Variants in JHY observed in about 807,000 individuals in gnomAD.
JHY encodes the protein jhy protein homolog.
Under a neutral mutation model 78.0 loss-of-function variants are expected in JHY, and 69 were observed. The ratio of observed to expected loss-of-function variants is 0.88; its 90% CI spans 0.73 to 1.08. The LOEUF is 1.08. Ranked by LOEUF, JHY falls within the 50% of genes least tolerant of loss-of-function variation. The pLI, the probability that JHY is intolerant of heterozygous loss-of-function variation, is 0.00. For synonymous variants in JHY, 368 were observed against 342.6 expected, an observed-to-expected ratio of 1.07 and a Z score of -0.82; for missense variants, 944 against 927.8, an observed-to-expected ratio of 1.02 and a Z score of -0.23.
intron 6 of JHY, among the ~76,000 whole-genome samples, chr11:122,949,843 T>TC (rs1205668811): frequency 2.0e-5 from 3 of 150,400 alleles, no homozygotes; most frequent in African/African-American, 4.9e-5. Context: ...TTCTTTTCTT[T>TC]TTTTTTTTTT....
chr11:122,905,607 C>T, intron 3 of JHY: 1 of 993,692 alleles, frequency 1.0e-6, no homozygotes, highest in Non-Finnish European at 1.2e-6. Context: ...TTGGCTCATG[C>T]CTGTAATCCC....
At chr11:122,925,906 A>G (rs575503944) in intron 4 of JHY, among the ~76,000 whole-genome samples, 3 of 152,236 alleles carry the variant, frequency 2.0e-5, no homozygotes, top group African/African-American at 7.2e-5. Flanking sequence ...AGTTCCAGCT[A>G]TTCAGGAGGC....
chr11:122,942,117 C>A (rs1863886044), intron 5 of JHY, among the ~76,000 whole-genome samples: 1 of 152,074 alleles, frequency 6.6e-6, no homozygotes, highest in Non-Finnish European at 1.5e-5. Flanking sequence ...GGTGATCCAC[C>A]CACCTCGGCC....
At chr11:122,893,276 A>G (rs1174675855) in intron 2 of JHY, among the ~76,000 whole-genome samples, 1 of 152,168 alleles carries the variant, frequency 6.6e-6, no homozygotes, top group Non-Finnish European at 1.5e-5. Flanking sequence ...CTCACAAACT[A>G]TGCTTTAGTT....
chr11:122,918,176 C>T (rs1203235350), intron 3 of JHY, among the ~76,000 whole-genome samples: 1 of 151,466 alleles, frequency 6.6e-6, no homozygotes, highest in African/African-American at 2.5e-5. Context: ...GCTGGGATTA[C>T]AGGTGTGAGC....
intron 5 of JHY, among the ~76,000 whole-genome samples, chr11:122,945,388 C>T (rs1023776686): frequency 6.6e-6 from 1 of 152,082 alleles, no homozygotes; most frequent in African/African-American, 2.4e-5. Context: ...AAATATGTTT[C>T]TCAGGTTCTT....
At chr11:122,888,032 C>T (rs953724612) in intron 2 of JHY, among the ~76,000 whole-genome samples, 4 of 104,714 alleles carry the variant, frequency 3.8e-5, no homozygotes, top group Admixed American at 2.2e-4. Flanking sequence ...TATCTTTCTT[C>T]TTCCTTCCTT....
At position 122,917,357 on chromosome 11, in the gene JHY, G is replaced by A. The variant is rs1302426163; in HGVS notation, c.865-7540G>A. On this transcript the variant is annotated intron_variant, in intron 3 of 8. Transcript: ENST00000227349. This position sits in a 1 kb window ranked among gnomAD's most constrained non-coding sequence, Gnocchi z 4.1. Reference sequence around the variant, plus strand: ...TAGTTGTATGTGGCTAGATTGTGAGGATGAGAATATGGATATTTAGGTTAG... The same window carrying A: ...TAGTTGTATGTGGCTAGATTGTGAGAATGAGAATATGGATATTTAGGTTAG... Among the ~76,000 whole-genome samples, 2 of 152,218 alleles carry A rather than the reference G, an allele frequency of 1.3e-5. No homozygotes were observed. The highest frequency in any genetic ancestry group is 2.9e-5 in the Non-Finnish European group (2 of 68,022).
At chr11:122,951,948 C>T (rs1864095844) in intron 6 of JHY, among the ~76,000 whole-genome samples, 1 of 151,848 alleles carries the variant, frequency 6.6e-6, no homozygotes, top group Non-Finnish European at 1.5e-5. Context: ...AATTTGTTCC[C>T]CTTGTGTTTG....
intron 2 of JHY, among the ~76,000 whole-genome samples, chr11:122,891,038 G>C (rs1862605271): frequency 6.6e-6 from 1 of 152,130 alleles, no homozygotes; most frequent in Non-Finnish European, 1.5e-5. Flanking sequence ...GCACACTCTT[G>C]CTGGGATCTG....
intron 6 of JHY, among the ~76,000 whole-genome samples, chr11:122,950,890 C>G (rs1342359716): frequency 2.0e-5 from 3 of 152,204 alleles, no homozygotes; most frequent in African/African-American, 7.2e-5. Context: ...GGGACATCCC[C>G]CTTCCTGCTT....
At chr11:122,931,636 C>T (rs745988166) in intron 4 of JHY, among the ~76,000 whole-genome samples, 1 of 152,174 alleles carries the variant, frequency 6.6e-6, no homozygotes, top group Non-Finnish European at 1.5e-5. Flanking sequence ...CATGTCTTCA[C>T]TTTACAGCTG....
In JHY at chr11:122,962,471, A is replaced by T. The variant is rs73606749; in HGVS notation, c.*3026A>T. On this transcript the variant is annotated 3_prime_UTR_variant, in exon 9 of 9. Transcript: ENST00000227349. The stretch of plus-strand genomic sequence containing the variant: ...AACTGGTGAATCATGTTTCAGTGGG[A>T]TTTGGAAAATGTAATATATGAGGCA... Among the ~76,000 whole-genome samples, 18,024 of 152,154 alleles carry T rather than the reference A, an allele frequency of 0.12. 1,086 individuals are homozygous for T. The highest frequency in any genetic ancestry group is 0.19 in the East Asian group (974 of 5,164).
rs975099229 is a variant in JHY at position 122,963,464 on chromosome 11, G to T, written c.*4019G>T. Among the ~76,000 whole-genome samples the T allele has an allele frequency of 6.6e-6, 1 of 152,154 alleles. No individual in the cohort carries two copies. The highest frequency in any genetic ancestry group is 1.5e-5 in the Non-Finnish European group (1 of 67,998). ...AGTTTGGGGTTGAAATCAAAGAATGGATCAAAGTGGCCCTTCATTTGGCTC... is the reference window on the plus strand; with the variant it reads ...AGTTTGGGGTTGAAATCAAAGAATGTATCAAAGTGGCCCTTCATTTGGCTC... On this transcript the variant is annotated 3_prime_UTR_variant, in exon 9 of 9. Coordinates refer to ENST00000227349, the MANE Select transcript of JHY (RefSeq NM_024806.4).
In JHY at chr11:122,912,904, G is replaced by A. The variant is rs185433407; in HGVS notation, c.864+8460G>A. Among the ~76,000 whole-genome samples, 388 of 152,052 alleles carry A rather than the reference G, an allele frequency of 2.6e-3. 1 individual carries two copies. Among genetic ancestry groups the A allele is most frequent in the African/African-American group, 8.7e-3 (361 of 41,486 alleles). ...AGAATTTATACCAAGCTACGGACTC[G>A]GGGCAGACACTCAGTGAAGAGAAGC... On this transcript the variant is annotated intron_variant, in intron 3 of 8. Transcript: ENST00000227349.
intron 3 of JHY, among the ~76,000 whole-genome samples, chr11:122,906,111 A>G (rs1213989402): frequency 2.0e-5 from 3 of 152,174 alleles, no homozygotes; most frequent in African/African-American, 4.8e-5. Flanking sequence ...CTCTTGTTCC[A>G]TAAAACTTAC....
chr11:122,952,335 CTT>C (rs1864106191), intron 6 of JHY, among the ~76,000 whole-genome samples: 2 of 152,240 alleles, frequency 1.3e-5, no homozygotes, highest in South Asian at 4.2e-4. Flanking sequence ...GCTAAAAAGA[CTT>C]TTGATGGAGA....
In JHY at chr11:122,898,190, T is replaced by C. The variant is rs948629350; in HGVS notation, c.345-5735T>C. 3.9e-5 allele frequency among the ~76,000 whole-genome samples: 6 copies of C among 152,232 alleles called. No individual in the cohort carries two copies. The highest frequency in any genetic ancestry group is 1.4e-4 in the African/African-American group (6 of 41,472). ...AGCAGCCTGCTTCTGTTTTCCTTGCTGCTGTATCTTCTGTGCCTAAGATTC... is the reference window on the plus strand; with the variant it reads ...AGCAGCCTGCTTCTGTTTTCCTTGCCGCTGTATCTTCTGTGCCTAAGATTC... On this transcript the variant is annotated intron_variant, in intron 2 of 8. Transcript: ENST00000227349. This position sits in a 1 kb window ranked among gnomAD's most constrained non-coding sequence, Gnocchi z 4.4.
In JHY at chr11:122,961,422, T is replaced by C. The variant is rs1253738512; in HGVS notation, c.*1977T>C. ...GTTCACTGCAACTCCGCCTCCTGGATTCAAGCGATTCTCCTGTCTCAGCCT... is the reference window on the plus strand; with the variant it reads ...GTTCACTGCAACTCCGCCTCCTGGACTCAAGCGATTCTCCTGTCTCAGCCT... On this transcript the variant is annotated 3_prime_UTR_variant, in exon 9 of 9. Coordinates refer to ENST00000227349, the MANE Select transcript of JHY (RefSeq NM_024806.4). 1.3e-5 allele frequency among the ~76,000 whole-genome samples: 2 copies of C among 152,112 alleles called. No individual in the cohort carries two copies. Among genetic ancestry groups the C allele is most frequent in the South Asian group, 2.1e-4 (1 of 4,816 alleles).
Sources: allele counts gnomAD v4.1 joint callset (sites outside exome capture counted in the v4.1 genomes callset), GRCh38; gene constraint gnomAD v4.1.1; non-coding constraint Gnocchi (gnomAD v3.1); transcripts MANE v1.5; gene names NCBI Gene and HGNC (gene_info 2026-07-23, HGNC 2026-07-21).